Variants in RELN observed in about 807,000 individuals in gnomAD.
RELN encodes the protein reelin.
In RELN, 108 loss-of-function variants were observed where a neutral mutation model predicts 427.6. The ratio of observed to expected loss-of-function variants is 0.25; its 90% CI spans 0.22 to 0.30. The LOEUF is 0.30. Ranked by LOEUF, RELN falls within the 10% of genes least tolerant of loss-of-function variation. RELN has a pLI of 1.00. For missense variants in RELN, 3,715 were observed against 4,302.8 expected (o/e 0.86, Z 3.82); for synonymous variants, 1,524 against 1,513.4 (o/e 1.01, Z -0.16).
At chr7:103,972,656 C>A (rs1252220250) in intron 1 of RELN, among the ~76,000 whole-genome samples, 1 of 152,092 alleles carries the variant, frequency 6.6e-6, no homozygotes, top group Non-Finnish European at 1.5e-5. Context: ...TTTGACATTA[C>A]TAGATTTAGG....
chr7:103,802,019 G>C (rs1792480444), intron 3 of RELN, among the ~76,000 whole-genome samples: 1 of 152,114 alleles, frequency 6.6e-6, no homozygotes, highest in African/African-American at 2.4e-5. Context: ...ATAATTCGTG[G>C]CACATAGTTA....
At chr7:103,532,594 T>G (rs1378895165) in intron 46 of RELN, among the ~76,000 whole-genome samples, 1 of 152,184 alleles carries the variant, frequency 6.6e-6, no homozygotes, top group Non-Finnish European at 1.5e-5. Flanking sequence ...ATGCTCTTCA[T>G]GGTCTGACAC....
intron 46 of RELN, among the ~76,000 whole-genome samples, chr7:103,528,633 A>G (rs1338802560): frequency 6.6e-6 from 1 of 152,026 alleles, no homozygotes; most frequent in East Asian, 1.9e-4. Flanking sequence ...GGTTCAAGCG[A>G]TCCTTATGCC....
chr7:103,848,021 C>T (rs905972076), intron 2 of RELN, among the ~76,000 whole-genome samples: 2 of 152,188 alleles, frequency 1.3e-5, no homozygotes, highest in African/African-American at 4.8e-5. Context: ...TATATGGCAG[C>T]AGTCACAGGT....
At position 103,776,598 on chromosome 7, in the gene RELN, A is replaced by G; in HGVS notation, c.503T>C (p.Ile168Thr). The change falls in exon 4 of 65, where the codon ATT becomes ACT. Residue 168 changes from isoleucine (I) to threonine (T), a missense_variant. Coordinates refer to ENST00000428762, the MANE Select transcript of RELN (RefSeq NM_005045.4). ...CTGCTGGGCTAAAGCATCTTTGAAA[A>G]TAACCTGGCCCCGGTGTGTTGCTGT... Reference protein sequence around the residue: ...MATATHRGQVIFKDALAQQLC... With the variant: ...MATATHRGQVTFKDALAQQLC... 1 of 1,614,122 alleles carries G rather than the reference A, an allele frequency of 6.2e-7. No individual in the cohort carries two copies. The highest frequency in any genetic ancestry group is 8.5e-7 in the Non-Finnish European group (1 of 1,179,978).
chr7:103,631,635 TTA>T (rs1174637763), intron 19 of RELN, among the ~76,000 whole-genome samples: 1 of 152,164 alleles, frequency 6.6e-6, no homozygotes, highest in Non-Finnish European at 1.5e-5. Flanking sequence ...TATAATACAT[TTA>T]TGAGTTTTAA....
At chr7:103,533,053 C>G (rs1379149747) in intron 46 of RELN, among the ~76,000 whole-genome samples, 2 of 152,200 alleles carry the variant, frequency 1.3e-5, no homozygotes, top group Non-Finnish European at 2.9e-5. Flanking sequence ...CTACTGATGA[C>G]TAGTGACCAT....
chr7:103,508,526 A>G (rs887765290), intron 51 of RELN, among the ~76,000 whole-genome samples: 7 of 152,240 alleles, frequency 4.6e-5, no homozygotes, highest in Admixed American at 3.3e-4. Flanking sequence ...ATTTATGACA[A>G]ATCCACAGCC....
At chr7:103,980,859 T>G in intron 1 of RELN, among the ~76,000 whole-genome samples, 1 of 152,178 alleles carries the variant, frequency 6.6e-6, no homozygotes, top group East Asian at 1.9e-4. Flanking sequence ...CCACTTTTTC[T>G]AAGAGCTTAG....
Position 103,750,319 on chromosome 7 carries a change from C to T in RELN, c.578-815G>A, listed in dbSNP as rs566605024. Among the ~76,000 whole-genome samples, 5 of 152,224 alleles carry T rather than the reference C, an allele frequency of 3.3e-5. No homozygotes were observed. The South Asian group carries it at 6.2e-4, about 19-fold the overall frequency. On this transcript the variant is annotated intron_variant, in intron 5 of 64. Coordinates refer to ENST00000428762, the MANE Select transcript of RELN (RefSeq NM_005045.4). Reference sequence around the variant, plus strand: ...ATAAGGGGCATTTCCCTCTTTTGCTCGGCACTTCTTGCTGCCACCATGTGA... The same window carrying T: ...ATAAGGGGCATTTCCCTCTTTTGCTTGGCACTTCTTGCTGCCACCATGTGA...
chr7:103,783,595 G>C (rs914269181), intron 3 of RELN, among the ~76,000 whole-genome samples: 1 of 151,996 alleles, frequency 6.6e-6, no homozygotes, highest in African/African-American at 2.4e-5. Context: ...CAGTATTAAT[G>C]TTCATTATCC....
In RELN at chr7:103,853,894, A is replaced by G. The variant is rs142191339; in HGVS notation, c.338-20222T>C. The stretch of plus-strand genomic sequence containing the variant: ...AAGTTACAGCTAAGTGGGAGGAATA[A>G]GTGTCCTGTAGCACAGTTGGGTGAG... On this transcript the variant is annotated intron_variant, in intron 2 of 64. Coordinates refer to ENST00000428762, the MANE Select transcript of RELN (RefSeq NM_005045.4). 1.1e-4 allele frequency among the ~76,000 whole-genome samples: 17 copies of G among 152,250 alleles called. No individual in the cohort carries two copies. The East Asian group carries it at 3.3e-3, about 29-fold the overall frequency.
At chr7:103,679,663 G>C (rs549594734) in intron 11 of RELN, among the ~76,000 whole-genome samples, 32 of 152,124 alleles carry the variant, frequency 2.1e-4, no homozygotes, top group Admixed American at 1.2e-3. Flanking sequence ...ATTGACTTCA[G>C]AGCTCTTTTT....
intron 2 of RELN, among the ~76,000 whole-genome samples, chr7:103,877,858 C>CT (rs34224768): frequency 0.1 from 12,255 of 120,564 alleles, 800 homozygotes; most frequent in Non-Finnish European, 0.14. Context: ...CTCTCCCTGC[C>CT]TTTTTTTTTT....
intron 10 of RELN, 25 bp from the exon 11 acceptor site, chr7:103,682,286 G>T: frequency 1.2e-6 from 2 of 1,613,650 alleles, no homozygotes; most frequent in Non-Finnish European, 1.7e-6. Context: ...AGAGCACGGG[G>T]TGGCTGTTGA....
At chr7:103,954,214 C>T (rs1461925220) in intron 1 of RELN, among the ~76,000 whole-genome samples, 3 of 152,138 alleles carry the variant, frequency 2.0e-5, no homozygotes, top group Non-Finnish European at 4.4e-5. Flanking sequence ...GAGCCGAGAT[C>T]GCACCATTGC....
intron 27 of RELN, 48 bp from the exon 28 acceptor site, chr7:103,589,876 A>C: frequency 8.7e-7 from 1 of 1,150,346 alleles, no homozygotes; most frequent in African/African-American, 1.5e-5. Flanking sequence ...GTTCTAAGTC[A>C]TCACTCAACA....
rs147065789 is a variant in RELN at position 103,734,545 on chromosome 7, T to C, written c.657-6338A>G. Reference sequence around the variant, plus strand: ...GCAATCCTCAAAAACCATTGAAAGCTTGAACTTATTAAACCTTCTCTGAAC... The same window carrying C: ...GCAATCCTCAAAAACCATTGAAAGCCTGAACTTATTAAACCTTCTCTGAAC... On this transcript the variant is annotated intron_variant, in intron 6 of 64. Coordinates refer to ENST00000428762, the MANE Select transcript of RELN (RefSeq NM_005045.4). Among the ~76,000 whole-genome samples the C allele has an allele frequency of 6.2e-3, 949 of 152,312 alleles. 8 individuals are homozygous for C. Among genetic ancestry groups the C allele is most frequent in the Non-Finnish European group, 8.7e-3 (590 of 68,022 alleles).
intron 46 of RELN, among the ~76,000 whole-genome samples, chr7:103,525,442 G>A (rs1354197332): frequency 6.6e-6 from 1 of 152,108 alleles, no homozygotes; most frequent in African/African-American, 2.4e-5. Context: ...AGCTTAGTGG[G>A]TGTTCTAAAC....
Sources: allele counts gnomAD v4.1 joint callset (sites outside exome capture counted in the v4.1 genomes callset), GRCh38; gene constraint gnomAD v4.1.1; transcripts MANE v1.5; gene names NCBI Gene and HGNC (gene_info 2026-07-23, HGNC 2026-07-21).